The following ATP10B variants were observed in gnomAD, a reference collection of about 807,000 sequenced individuals.
ATP10B encodes phospholipid-transporting ATPase VB.
Under a neutral mutation model 141.2 loss-of-function variants are expected in ATP10B, and 122 were observed. The observed-to-expected ratio is 0.86, with a 90% CI of 0.75 to 1.00. The LOEUF is 1.00. ATP10B is among the 50% of genes least tolerant of loss of function. The probability of loss-of-function intolerance (pLI) is 0.00; values close to 1 mark genes in which losing one functional copy is unlikely to be tolerated. For missense variants in ATP10B, 1,876 were observed against 1,825.3 expected (o/e 1.03, Z -0.51); for synonymous variants, 685 against 692.0 (o/e 0.99, Z 0.16).
chr5:160,735,394 A>G (rs1767039602), intron 2 of ATP10B, among the ~76,000 whole-genome samples: 1 of 152,148 alleles, frequency 6.6e-6, no homozygotes, highest in South Asian at 2.1e-4. Context: ...ACTATAAGAG[A>G]CAATGAAGGT....
intron 7 of ATP10B, among the ~76,000 whole-genome samples, chr5:160,650,524 G>C (rs916944608): frequency 1.1e-4 from 16 of 152,026 alleles, no homozygotes; most frequent in African/African-American, 3.9e-4. Flanking sequence ...AAACTCCCCA[G>C]GCCTCCACAA....
intron 3 of ATP10B, among the ~76,000 whole-genome samples, chr5:160,693,810 G>T (rs1451946499): frequency 1.3e-5 from 2 of 152,198 alleles, no homozygotes; most frequent in Non-Finnish European, 2.9e-5. Context: ...ATTCCTATGA[G>T]AATTTAATGT....
At chr5:160,589,101 T>A (rs1166215691) in intron 24 of ATP10B, among the ~76,000 whole-genome samples, 1 of 152,138 alleles carries the variant, frequency 6.6e-6, no homozygotes, top group Non-Finnish European at 1.5e-5. Flanking sequence ...AACCTCCGCC[T>A]CCCATGTTCA....
At chr5:160,678,886 G>T (rs1016719006) in intron 6 of ATP10B, among the ~76,000 whole-genome samples, 1 of 152,182 alleles carries the variant, frequency 6.6e-6, no homozygotes, top group Non-Finnish European at 1.5e-5. Context: ...AGCCCTCCAT[G>T]CCAAGCATCC....
chr5:160,815,895 T>C (rs909290685), intron 1 of ATP10B, among the ~76,000 whole-genome samples: 7 of 151,978 alleles, frequency 4.6e-5, no homozygotes, highest in Admixed American at 3.9e-4. Flanking sequence ...AACTGAACAA[T>C]CTGCTCCTGA....
chr5:160,927,630 T>C, the ATP10B span, among the ~76,000 whole-genome samples: 2 of 152,252 alleles, frequency 1.3e-5, no homozygotes, highest in Non-Finnish European at 2.9e-5. Flanking sequence ...TGATATCTCC[T>C]GTTCCCTTCG....
chr5:160,705,232 C>G (rs752823067), intron 3 of ATP10B, among the ~76,000 whole-genome samples: 1 of 151,950 alleles, frequency 6.6e-6, no homozygotes, highest in African/African-American at 2.4e-5. Context: ...CCTTTGTTTT[C>G]TAAGACAGGG....
chr5:160,901,109 C>T, the ATP10B span, among the ~76,000 whole-genome samples: 2 of 152,044 alleles, frequency 1.3e-5, no homozygotes, highest in Admixed American at 6.6e-5. Context: ...CTAAGAGTCA[C>T]CACAAGCCAA....
intron 1 of ATP10B, among the ~76,000 whole-genome samples, chr5:160,787,303 A>AGG (rs144929528): frequency 2.2e-4 from 34 of 152,296 alleles, no homozygotes; most frequent in African/African-American, 8.2e-4. Context: ...GGGTTCAGGC[A>AGG]GGGCACATTT....
intron 6 of ATP10B, among the ~76,000 whole-genome samples, chr5:160,673,540 T>G (rs201040739): frequency 0.22 from 33,277 of 150,632 alleles, 4,563 homozygotes; most frequent in East Asian, 0.39. Context: ...TTTGTTTTTT[T>G]TTTTTTTTTT....
At chr5:160,911,508 C>G in the ATP10B span, among the ~76,000 whole-genome samples, 1 of 152,196 alleles carries the variant, frequency 6.6e-6, no homozygotes, top group Admixed American at 6.5e-5. Flanking sequence ...GGAGGCTAGA[C>G]TAGATGCCTC....
chr5:160,742,305 C>A lies in ATP10B; in HGVS notation c.-330-25271G>T, dbSNP rs149522529. Among the ~76,000 whole-genome samples the A allele has an allele frequency of 2.0e-5, 3 of 152,256 alleles. No homozygotes were observed. In the East Asian group the frequency reaches 5.8e-4, roughly 29 times the overall value. On this transcript the variant is annotated intron_variant, in intron 2 of 25. Transcript: ENST00000327245. ...CTATATTGCATGCTAATGACATCCCCCCTAATGCTGTTACTCACATCCTTC... is the reference window on the plus strand; with the variant it reads ...CTATATTGCATGCTAATGACATCCCACCTAATGCTGTTACTCACATCCTTC...
chr5:160,927,643 T>G, the ATP10B span, among the ~76,000 whole-genome samples: 4 of 152,218 alleles, frequency 2.6e-5, no homozygotes, highest in Non-Finnish European at 5.9e-5. Context: ...TCCCTTCGAT[T>G]ACTCATTGAC....
At chr5:160,648,402 T>C (rs1035818696) in intron 8 of ATP10B, among the ~76,000 whole-genome samples, 1 of 152,182 alleles carries the variant, frequency 6.6e-6, no homozygotes, top group Non-Finnish European at 1.5e-5. Context: ...ATTCTTCCAA[T>C]GTGGCCCAGG....
At chr5:160,729,010 C>T (rs1766553397) in intron 2 of ATP10B, among the ~76,000 whole-genome samples, 1 of 152,156 alleles carries the variant, frequency 6.6e-6, no homozygotes, top group Admixed American at 6.5e-5. Flanking sequence ...GCTCCCTGAT[C>T]CTTGTCTCAG....
At chr5:160,821,849 C>G (rs531927892) in intron 1 of ATP10B, among the ~76,000 whole-genome samples, 34 of 152,142 alleles carry the variant, frequency 2.2e-4, no homozygotes, top group African/African-American at 7.2e-4. Flanking sequence ...TTGCTATATA[C>G]AAAAATCAAA....
At chr5:160,740,104 T>A (rs985453403) in intron 2 of ATP10B, among the ~76,000 whole-genome samples, 1 of 152,250 alleles carries the variant, frequency 6.6e-6, no homozygotes, top group African/African-American at 2.4e-5. Context: ...GACCCATTAA[T>A]AAATGCTAAA....
chr5:160,899,314 A>G, the ATP10B span, among the ~76,000 whole-genome samples: 2 of 152,080 alleles, frequency 1.3e-5, no homozygotes, highest in Non-Finnish European at 2.9e-5. Flanking sequence ...GGGACATAAT[A>G]CCAAATTTTC....
rs945252852 is a variant in ATP10B, at chr5:160,817,050, T to C, written c.-575-31247A>G. ...GACAAACCCACAGCCAATATCATACTGAATGGGCAAAAACTGGAAGCATTC... is the reference window on the plus strand; with the variant it reads ...GACAAACCCACAGCCAATATCATACCGAATGGGCAAAAACTGGAAGCATTC... On this transcript the variant is annotated intron_variant, in intron 1 of 25. Coordinates refer to ENST00000327245, the MANE Select transcript of ATP10B (RefSeq NM_025153.3). Among the ~76,000 whole-genome samples the C allele has an allele frequency of 8.5e-5, 13 of 152,332 alleles. 1 individual carries two copies. The highest frequency in any genetic ancestry group is 2.9e-4 in the African/African-American group (12 of 41,584).
Sources: allele counts gnomAD v4.1 joint callset (sites outside exome capture counted in the v4.1 genomes callset), GRCh38; gene constraint gnomAD v4.1.1; transcripts MANE v1.5; gene names NCBI Gene and HGNC (gene_info 2026-07-23, HGNC 2026-07-21).